Variants in SLC4A4 observed in about 807,000 individuals in gnomAD.
SLC4A4 encodes the protein electrogenic sodium bicarbonate cotransporter 1.
Under a neutral mutation model 111.5 loss-of-function variants are expected in SLC4A4, and 27 were observed. The ratio of observed to expected loss-of-function variants is 0.24; its 90% CI spans 0.18 to 0.33. The LOEUF is 0.33. Ranked by LOEUF, SLC4A4 falls within the 10% of genes least tolerant of loss-of-function variation. SLC4A4 has a pLI of 1.00. For missense variants in SLC4A4, 909 were observed against 1,315.5 expected, an observed-to-expected ratio of 0.69 and a Z score of 4.78; for synonymous variants, 443 against 463.4, an observed-to-expected ratio of 0.96 and a Z score of 0.57.
At chr4:71,475,062 T>C (rs1289219233) in intron 14 of SLC4A4, among the ~76,000 whole-genome samples, 3 of 151,978 alleles carry the variant, frequency 2.0e-5, no homozygotes, top group African/African-American at 7.2e-5. Flanking sequence ...ATTTTCAGCC[T>C]TCCTTTACAT....
chr4:71,402,701 A>G (rs190407234), intron 7 of SLC4A4, among the ~76,000 whole-genome samples: 5 of 152,322 alleles, frequency 3.3e-5, no homozygotes, highest in East Asian at 1.9e-4. Context: ...CTTAGTCACT[A>G]CAGTTTTGGT....
At chr4:71,404,742 CTT>C (rs1317233039) in intron 7 of SLC4A4, among the ~76,000 whole-genome samples, 1 of 152,080 alleles carries the variant, frequency 6.6e-6, no homozygotes, top group Non-Finnish European at 1.5e-5. Flanking sequence ...GATGAACACT[CTT>C]GAGTACAGTT....
intron 2 of SLC4A4, among the ~76,000 whole-genome samples, chr4:71,145,114 T>C (rs998088086): frequency 2.6e-5 from 4 of 152,248 alleles, no homozygotes; most frequent in South Asian, 2.1e-4. Flanking sequence ...TATTTTGAGA[T>C]ACGTCCCATC....
rs533664814 is a variant in SLC4A4 at position 71,487,634 on chromosome 4, A to G, written c.1974+616A>G. Among the ~76,000 whole-genome samples the G allele has an allele frequency of 7.2e-5, 11 of 151,756 alleles. No homozygotes were observed. The South Asian group carries it at 8.3e-4, about 11-fold the overall frequency. On this transcript the variant is annotated intron_variant, in intron 15 of 25. Transcript: ENST00000264485. The stretch of plus-strand genomic sequence containing the variant: ...GGGAAAGTGCTGTTTCAGACTTCCA[A>G]TTGTGCTCCTTCTATGCTGAACATG...
intron 14 of SLC4A4, among the ~76,000 whole-genome samples, chr4:71,478,092 A>T (rs1219193917): frequency 6.6e-6 from 1 of 151,958 alleles, no homozygotes; most frequent in Non-Finnish European, 1.5e-5. Context: ...TAGAATGGAG[A>T]TCATTAAAAA....
At chr4:71,557,955 G>A in intron 22 of SLC4A4, 70 bp downstream of exon 22, 2 of 1,354,902 alleles carry the variant, frequency 1.5e-6, no homozygotes, top group Non-Finnish European at 2.1e-6. Context: ...TTATATGGAA[G>A]ACACACATGT....
intron 21 of SLC4A4, among the ~76,000 whole-genome samples, chr4:71,556,522 A>G (rs954147761): frequency 1.3e-5 from 2 of 152,012 alleles, no homozygotes; most frequent in Non-Finnish European, 2.9e-5. Context: ...TTAATTAAAA[A>G]GAAGAAAAAA....
At chr4:71,284,035 C>A (rs1287253255) in intron 3 of SLC4A4, among the ~76,000 whole-genome samples, 1 of 152,168 alleles carries the variant, frequency 6.6e-6, no homozygotes, top group African/African-American at 2.4e-5. Context: ...TGGGAAACAA[C>A]CCACGGTGAT....
chr4:71,451,384 T>TG, intron 11 of SLC4A4, 83 bp downstream of exon 11: 1 of 910,134 alleles, frequency 1.1e-6, no homozygotes, highest in Non-Finnish European at 1.8e-6. Flanking sequence ...TATTATTCAC[T>TG]AGTTTGTTCA....
At chr4:71,435,728 C>T (rs1055424961) in intron 7 of SLC4A4, among the ~76,000 whole-genome samples, 8 of 152,070 alleles carry the variant, frequency 5.3e-5, no homozygotes, top group Admixed American at 2.0e-4. Flanking sequence ...AAACAAACAA[C>T]CCCATCAAAA....
chr4:71,217,642 C>T (rs1382815348), intron 1 of SLC4A4, among the ~76,000 whole-genome samples: 3 of 152,148 alleles, frequency 2.0e-5, no homozygotes, highest in African/African-American at 7.2e-5. Flanking sequence ...TCTGTAGATG[C>T]TTATTATATG....
chr4:71,370,234 G>A (rs192983641), intron 6 of SLC4A4, among the ~76,000 whole-genome samples: 13 of 152,308 alleles, frequency 8.5e-5, no homozygotes, highest in Admixed American at 7.8e-4. Flanking sequence ...TCATAAGTGT[G>A]TAGGGCAGGA....
At chr4:71,317,825 T>A (rs1164131050) in intron 3 of SLC4A4, among the ~76,000 whole-genome samples, 3 of 152,084 alleles carry the variant, frequency 2.0e-5, no homozygotes, top group Non-Finnish European at 2.9e-5. Flanking sequence ...ATCTGGGTAA[T>A]GTATGCAATA....
intron 12 of SLC4A4, among the ~76,000 whole-genome samples, chr4:71,462,853 A>G (rs1160652194): frequency 6.6e-6 from 1 of 152,190 alleles, no homozygotes; most frequent in Non-Finnish European, 1.5e-5. Context: ...GGTAGGTTAA[A>G]TAACTTGCTT....
intron 2 of SLC4A4, among the ~76,000 whole-genome samples, chr4:71,120,915 G>A (rs1743397589): frequency 6.6e-6 from 1 of 152,198 alleles, no homozygotes; most frequent in African/African-American, 2.4e-5. Flanking sequence ...TCTGCTTGCG[G>A]GGAGGTGTGG....
At chr4:71,233,896 T>C (rs558866195) in intron 1 of SLC4A4, among the ~76,000 whole-genome samples, 2 of 152,300 alleles carry the variant, frequency 1.3e-5, no homozygotes, top group Admixed American at 1.3e-4. Context: ...GAACTCTTCA[T>C]TGGCTCCCGT....
At chr4:71,164,589 C>A (rs1171778609) in intron 2 of SLC4A4, among the ~76,000 whole-genome samples, 1 of 151,534 alleles carries the variant, frequency 6.6e-6, no homozygotes, top group African/African-American at 2.4e-5. Context: ...GACCTAAAAC[C>A]ATAAAAACAC....
At chr4:71,250,328 G>A (rs967320785) in intron 2 of SLC4A4, among the ~76,000 whole-genome samples, 1 of 152,142 alleles carries the variant, frequency 6.6e-6, no homozygotes, top group Non-Finnish European at 1.5e-5. Flanking sequence ...GCTGCATGTT[G>A]TAGAATCTTT....
At chr4:71,227,560 T>C (rs1719131766) in intron 1 of SLC4A4, among the ~76,000 whole-genome samples, 1 of 152,180 alleles carries the variant, frequency 6.6e-6, no homozygotes, top group Non-Finnish European at 1.5e-5. Flanking sequence ...CTTTCAGCTG[T>C]AGATATTCCC....
Sources: allele counts gnomAD v4.1 joint callset (sites outside exome capture counted in the v4.1 genomes callset), GRCh38; gene constraint gnomAD v4.1.1; transcripts MANE v1.5; gene names NCBI Gene and HGNC (gene_info 2026-07-23, HGNC 2026-07-21).